DDX4: variants seen among roughly 807,000 people sequenced by gnomAD.
The protein encoded by DDX4 is DEAD-box helicase 4.
A neutral mutation model predicts 100.0 loss-of-function variants in DDX4; 25 were observed. The observed-to-expected ratio is 0.25, with a 90% CI of 0.18 to 0.35. The LOEUF (loss-of-function observed/expected upper bound fraction) is 0.35. Among genes scored for constraint, DDX4 ranks in the 10% least tolerant of loss-of-function variants. DDX4 has a pLI of 1.00. For synonymous variants in DDX4, 259 were observed against 275.7 expected, an observed-to-expected ratio of 0.94 and a Z score of 0.60; for missense variants, 635 against 882.4, an observed-to-expected ratio of 0.72 and a Z score of 3.55.
At position 55,787,840 on chromosome 5, in the gene DDX4, T is replaced by C. The variant is rs1050859462; in HGVS notation, c.1018-6T>C. The C allele has an allele frequency of 6.2e-7, 1 of 1,610,814 alleles. No homozygotes were observed. The highest frequency in any genetic ancestry group is 8.5e-7 in the Non-Finnish European group (1 of 1,179,010). On this transcript the variant is annotated splice_polypyrimidine_tract_variant and splice_region_variant and intron_variant, in intron 14 of 21. Transcript: ENST00000505374. ...AAGTTTGTAAACTAAGCAACTTAAC[T>C]TCTAGGCGGCTTTTCTCCTACCAAT...
At chr5:55,749,031 T>G (rs767863500) in intron 3 of DDX4, among the ~76,000 whole-genome samples, 6 of 152,268 alleles carry the variant, frequency 3.9e-5, no homozygotes, top group Non-Finnish European at 5.9e-5. Flanking sequence ...CACATCTTGC[T>G]TTTATTTAAT....
chr5:55,780,015 G>T lies in DDX4; in HGVS notation c.446G>T (p.Gly149Val). 6.2e-7 allele frequency: 1 copy of T among 1,614,074 alleles called. No homozygotes were observed. The highest frequency in any genetic ancestry group is 8.5e-7 in the Non-Finnish European group (1 of 1,179,980). The change falls in exon 8 of 22, where the codon GGA (glycine) becomes GTA (valine). Residue 149 changes from glycine (G) to valine (V), a missense_variant. This residue lies in a region of DDX4 where 446 missense variants were observed against 540.8 expected (regional missense o/e 0.82). Coordinates refer to ENST00000505374, the MANE Select transcript of DDX4 (RefSeq NM_024415.3). ...GCTTCAGGGCCATACAGAAGAGGTG[G>T]AAGAGGTAGTTTCCGAGGTTGCCGT... is the stretch of plus-strand genomic sequence containing the variant. ...SEASGPYRRG[G>V]RGSFRGCRGG...
At chr5:55,759,490 T>C (rs1449818070) in intron 3 of DDX4, among the ~76,000 whole-genome samples, 1 of 148,024 alleles carries the variant, frequency 6.8e-6, no homozygotes, top group African/African-American at 2.5e-5. Flanking sequence ...GAATTGATTA[T>C]TGAACTCTTG....
chr5:55,792,533 G>T (rs1213432641), intron 16 of DDX4, 108 bp from the exon 17 acceptor site: 20 of 557,116 alleles, frequency 3.6e-5, no homozygotes, highest in Non-Finnish European at 4.8e-5. Flanking sequence ...CTAATTTTTT[G>T]TATTTTTTTT....
chr5:55,743,463 T>C (rs966795717), intron 2 of DDX4, among the ~76,000 whole-genome samples: 1 of 152,214 alleles, frequency 6.6e-6, no homozygotes, highest in Non-Finnish European at 1.5e-5. Flanking sequence ...AGAGACTTGT[T>C]CTGTCACCTA....
intron 10 of DDX4, among the ~76,000 whole-genome samples, chr5:55,782,513 G>A (rs1445171612): frequency 1.3e-5 from 2 of 151,768 alleles, no homozygotes; most frequent in Non-Finnish European, 2.9e-5. Flanking sequence ...CAGGAGAATC[G>A]CTTGAATCCG....
At chr5:55,814,575 C>T (rs1393909252) in intron 19 of DDX4, among the ~76,000 whole-genome samples, 1 of 152,116 alleles carries the variant, frequency 6.6e-6, no homozygotes, top group Non-Finnish European at 1.5e-5. Flanking sequence ...CAGCTCACCT[C>T]TGCTTCCCCG....
At chr5:55,800,164 T>C (rs931993332) in intron 18 of DDX4, among the ~76,000 whole-genome samples, 1 of 152,124 alleles carries the variant, frequency 6.6e-6, no homozygotes, top group African/African-American at 2.4e-5. Flanking sequence ...AACAACCTTA[T>C]GAAGTAGATT....
intron 18 of DDX4, among the ~76,000 whole-genome samples, chr5:55,812,355 A>G (rs1250017191): frequency 6.6e-6 from 1 of 152,102 alleles, no homozygotes; most frequent in East Asian, 1.9e-4. Context: ...AGGTTAGGAG[A>G]TTGAGACCAT....
intron 7 of DDX4, among the ~76,000 whole-genome samples, chr5:55,769,259 T>C (rs533261067): frequency 6.6e-6 from 1 of 152,170 alleles, no homozygotes; most frequent in Non-Finnish European, 1.5e-5. Context: ...GTTTTACATG[T>C]TATTCTTTAA....
intron 3 of DDX4, among the ~76,000 whole-genome samples, chr5:55,755,951 T>G (rs1759903270): frequency 6.6e-6 from 1 of 152,150 alleles, no homozygotes; most frequent in Non-Finnish European, 1.5e-5. Flanking sequence ...TCTAACAGCA[T>G]AGATCAGTTT....
At chr5:55,770,069 T>C (rs757275153) in intron 7 of DDX4, among the ~76,000 whole-genome samples, 1 of 152,118 alleles carries the variant, frequency 6.6e-6, no homozygotes, top group African/African-American at 2.4e-5. Context: ...AGTTTCACTA[T>C]GTTGGCCAGG....
At chr5:55,796,033 C>CCT (rs1200409545) in intron 17 of DDX4, among the ~76,000 whole-genome samples, 1 of 152,130 alleles carries the variant, frequency 6.6e-6, no homozygotes, top group Non-Finnish European at 1.5e-5. Flanking sequence ...GTCCAAAGAA[C>CCT]CTGGAGTATG....
At chr5:55,779,209 T>C (rs1199659616) in intron 7 of DDX4, among the ~76,000 whole-genome samples, 2 of 152,240 alleles carry the variant, frequency 1.3e-5, no homozygotes, top group Non-Finnish European at 2.9e-5. Flanking sequence ...CATGAAAATA[T>C]ACCTTTACAG....
At chr5:55,740,564 G>A (rs1758920727) in intron 2 of DDX4, among the ~76,000 whole-genome samples, 1 of 149,396 alleles carries the variant, frequency 6.7e-6, no homozygotes. Context: ...GGAGTGCAGT[G>A]GTGCAGTCTC....
chr5:55,801,215 G>GTTGT (rs1743275537), intron 18 of DDX4, among the ~76,000 whole-genome samples: 3 of 103,504 alleles, frequency 2.9e-5, no homozygotes, highest in Non-Finnish European at 4.3e-5. Flanking sequence ...ATGATGGGGT[G>GTTGT]TTTTTTTTTT....
At chr5:55,781,445 C>A (rs561378281) in intron 9 of DDX4, among the ~76,000 whole-genome samples, 1 of 152,226 alleles carries the variant, frequency 6.6e-6, no homozygotes, top group East Asian at 1.9e-4. Context: ...AATGAAAACA[C>A]AATTGATGAA....
At chr5:55,796,797 CT>C (rs1221580870) in intron 17 of DDX4, among the ~76,000 whole-genome samples, 4 of 117,052 alleles carry the variant, frequency 3.4e-5, no homozygotes, top group Non-Finnish European at 7.6e-5. Flanking sequence ...AACTTGAAGA[CT>C]TTTCTTTTCT....
At chr5:55,764,581 G>A (rs574474708) in intron 6 of DDX4, among the ~76,000 whole-genome samples, 1 of 152,270 alleles carries the variant, frequency 6.6e-6, no homozygotes, top group East Asian at 1.9e-4. Context: ...AAATCTGATT[G>A]AGTCGATTTG....
Sources: gnomAD v4.1 joint callset for allele counts (sites outside exome capture counted in the v4.1 genomes callset) on GRCh38, gnomAD v4.1.1 for gene constraint, gnomAD v4.1.1 regional missense constraint, MANE v1.5 for transcripts, NCBI Gene and HGNC (gene_info 2026-07-23, HGNC 2026-07-21) for gene names.